Variants in CELF4 observed in about 807,000 individuals in gnomAD.
CELF4 encodes CUG-BP- and ETR-3-like factor 4.
CELF4 carries 18 observed loss-of-function variants against 59.9 expected under a neutral mutation model. The ratio of observed to expected loss-of-function variants is 0.30; its 90% confidence interval spans 0.21 to 0.45. CELF4 has a LOEUF of 0.45. Among genes scored for constraint, CELF4 ranks in the 20% least tolerant of loss-of-function variants. CELF4 has a pLI of 1.00. For missense variants in CELF4, 456 were observed against 689.0 expected (o/e 0.66, Z 3.79); for synonymous variants, 261 against 267.1 (o/e 0.98, Z 0.22).
At chr18:37,305,070 G>T (rs1458760566) in intron 3 of CELF4, among the ~76,000 whole-genome samples, 1 of 152,100 alleles carries the variant, frequency 6.6e-6, no homozygotes, top group East Asian at 1.9e-4. Context: ...GAGGAGAAGG[G>T]GTGAAATATA....
intron 5 of CELF4, 81 bp from the exon 6 acceptor site, chr18:37,274,535 C>T (rs1272006351): frequency 6.3e-7 from 1 of 1,599,876 alleles, no homozygotes; most frequent in Non-Finnish European, 8.5e-7. Flanking sequence ...CTGCGCCCAC[C>T]CCGCCCGCTC....
chr18:37,300,476 C>T (rs559775363), intron 3 of CELF4, among the ~76,000 whole-genome samples: 2 of 152,276 alleles, frequency 1.3e-5, no homozygotes, highest in South Asian at 2.1e-4. Flanking sequence ...CCTCCCGCCT[C>T]GGCCTCCCAA....
intron 1 of CELF4, among the ~76,000 whole-genome samples, chr18:37,549,928 G>A (rs1165666426): frequency 1.3e-5 from 2 of 152,120 alleles, no homozygotes; most frequent in Admixed American, 6.5e-5. Context: ...CCAGCTCAGA[G>A]AAAAGTAGAA....
intron 2 of CELF4, among the ~76,000 whole-genome samples, chr18:37,418,860 G>A (rs1176735423): frequency 6.6e-6 from 1 of 152,198 alleles, no homozygotes; most frequent in Non-Finnish European, 1.5e-5. Flanking sequence ...TCAGGGATGT[G>A]TGCATTCTCT....
chr18:37,541,258 T>G (rs1439394249), intron 1 of CELF4, among the ~76,000 whole-genome samples: 1 of 151,998 alleles, frequency 6.6e-6, no homozygotes, highest in Non-Finnish European at 1.5e-5. Context: ...CAAGGCCAAA[T>G]CAGAATTTTG....
At chr18:37,493,768 G>C (rs754749667) in intron 1 of CELF4, among the ~76,000 whole-genome samples, 3 of 152,140 alleles carry the variant, frequency 2.0e-5, no homozygotes, top group Non-Finnish European at 4.4e-5. Context: ...CCAAGTGCTG[G>C]AATCTCCCCC....
At chr18:37,402,043 C>T (rs1279621362) in intron 2 of CELF4, among the ~76,000 whole-genome samples, 4 of 152,206 alleles carry the variant, frequency 2.6e-5, no homozygotes, top group Non-Finnish European at 5.9e-5. Flanking sequence ...GGAGTTGGGA[C>T]AAATCACTGC....
At chr18:37,534,863 C>T (rs761634209) in intron 1 of CELF4, among the ~76,000 whole-genome samples, 10 of 152,176 alleles carry the variant, frequency 6.6e-5, no homozygotes, top group African/African-American at 1.7e-4. Context: ...CTCACAGAGC[C>T]GGGTGTTTAC....
At chr18:37,516,480 C>T (rs895014552) in intron 1 of CELF4, among the ~76,000 whole-genome samples, 1 of 152,228 alleles carries the variant, frequency 6.6e-6, no homozygotes, top group Non-Finnish European at 1.5e-5. Flanking sequence ...CTCGCCCCGG[C>T]CACAGACTGA....
intron 2 of CELF4, among the ~76,000 whole-genome samples, chr18:37,449,834 AT>A (rs749496578): frequency 2.6e-5 from 4 of 152,160 alleles, no homozygotes; most frequent in African/African-American, 4.8e-5. Context: ...CCAGACAAGA[AT>A]TTGTAACCTC....
chr18:37,304,458 T>C (rs1001638684), intron 3 of CELF4, among the ~76,000 whole-genome samples: 2 of 152,004 alleles, frequency 1.3e-5, no homozygotes, highest in Non-Finnish European at 2.9e-5. Flanking sequence ...AGGCCCATGG[T>C]GGGGCAGTGG....
intron 3 of CELF4, among the ~76,000 whole-genome samples, chr18:37,287,327 T>G (rs1464986450): frequency 2.0e-5 from 3 of 152,196 alleles, no homozygotes; most frequent in Non-Finnish European, 2.9e-5. Flanking sequence ...GATAGAGCCC[T>G]TCAGACTGCA....
chr18:37,531,261 C>T (rs1438038964), intron 1 of CELF4, among the ~76,000 whole-genome samples: 1 of 152,154 alleles, frequency 6.6e-6, no homozygotes, highest in African/African-American at 2.4e-5. Context: ...TCCAGCTACT[C>T]CTCACTGAGC....
At chr18:37,477,396 T>C (rs1362702407) in intron 2 of CELF4, among the ~76,000 whole-genome samples, 5 of 152,196 alleles carry the variant, frequency 3.3e-5, no homozygotes, top group Non-Finnish European at 7.3e-5. Flanking sequence ...AAGAGGAGCT[T>C]GCAGGAAGGC....
At chr18:37,343,341 G>C (rs1354982167) in intron 2 of CELF4, among the ~76,000 whole-genome samples, 2 of 146,378 alleles carry the variant, frequency 1.4e-5, no homozygotes, top group African/African-American at 5.2e-5. Flanking sequence ...GTGTGTGTGT[G>C]TGTGTGTGTG....
chr18:37,519,897 C>A (rs533310732), intron 1 of CELF4, among the ~76,000 whole-genome samples: 4 of 152,328 alleles, frequency 2.6e-5, no homozygotes, highest in South Asian at 4.1e-4. Flanking sequence ...GGAAAAGGGA[C>A]TGGAATGACA....
Position 37,561,395 on chromosome 18 carries a change from T to C in CELF4, c.286+3961A>G, listed in dbSNP as rs527739761. 1.4e-4 allele frequency among the ~76,000 whole-genome samples: 22 copies of C among 152,344 alleles called. No individual in the cohort carries two copies. In the South Asian group the frequency reaches 1.9e-3, roughly 13 times the overall value. The stretch of plus-strand genomic sequence containing the variant: ...TTAAACCTTTGGGGACAGCCTTATG[T>C]TTAGATTACGTTAATTCATAAATAT... On this transcript the variant is annotated intron_variant, in intron 1 of 12. Coordinates refer to ENST00000420428, the MANE Select transcript of CELF4 (RefSeq NM_020180.4).
intron 3 of CELF4, among the ~76,000 whole-genome samples, chr18:37,304,448 A>AG (rs140310721): frequency 0.35 from 52,897 of 152,164 alleles, 9,502 homozygotes; most frequent in African/African-American, 0.42. Flanking sequence ...AACAGCCAAA[A>AG]GGCCCATGGT....
chr18:37,264,797 CAG>C (rs2076611348), intron 9 of CELF4, 40 bp from the exon 10 acceptor site: 1 of 1,489,710 alleles, frequency 6.7e-7, no homozygotes, highest in South Asian at 1.2e-5. Context: ...GGCGACAAGG[CAG>C]AGAGTGGAAG....
Sources: gnomAD v4.1 joint callset for allele counts (sites outside exome capture counted in the v4.1 genomes callset) on GRCh38, gnomAD v4.1.1 for gene constraint, MANE v1.5 for transcripts, NCBI Gene and HGNC (gene_info 2026-07-23, HGNC 2026-07-21) for gene names.